Variants in AACS observed in about 807,000 individuals in gnomAD.
The protein encoded by AACS is acetoacetyl-CoA synthetase.
AACS carries 69 observed loss-of-function variants against 83.1 expected under a neutral mutation model. That is an observed-to-expected ratio of 0.83 (90% CI 0.68 to 1.01). AACS has a LOEUF of 1.01. AACS is among the 50% of genes least tolerant of loss of function. AACS has a pLI of 0.00. For synonymous variants in AACS, 333 were observed against 343.4 expected (o/e 0.97, Z 0.33); for missense variants, 866 against 882.2 (o/e 0.98, Z 0.23).
chr12:125,117,000 A>G (rs1177013290), intron 9 of AACS, among the ~76,000 whole-genome samples: 1 of 151,814 alleles, frequency 6.6e-6, no homozygotes, highest in African/African-American at 2.4e-5. Context: ...GCTAGAGTGC[A>G]GTGGTGATCA....
At chr12:125,093,951 C>T (rs1285182850) in intron 5 of AACS, among the ~76,000 whole-genome samples, 1 of 152,198 alleles carries the variant, frequency 6.6e-6, no homozygotes, top group East Asian at 1.9e-4. Flanking sequence ...GGAGGGCCTG[C>T]GTGGATGCCA....
intron 10 of AACS, among the ~76,000 whole-genome samples, chr12:125,119,215 CA>C (rs1166713005): frequency 1.2e-4 from 18 of 152,168 alleles, no homozygotes; most frequent in African/African-American, 4.3e-4. Flanking sequence ...GCAAGGAGAG[CA>C]CCTGAAATGG....
intron 17 of AACS, 119 bp from the exon 18 acceptor site, chr12:125,141,973 C>A: frequency 7.7e-7 from 1 of 1,296,312 alleles, no homozygotes; most frequent in Non-Finnish European, 1.1e-6. Context: ...AGAGCCGAGA[C>A]CCATTCACTC....
At chr12:125,072,516 C>T (rs1387434406) in intron 1 of AACS, among the ~76,000 whole-genome samples, 1 of 152,210 alleles carries the variant, frequency 6.6e-6, no homozygotes, top group Non-Finnish European at 1.5e-5. Context: ...TGGCCATCTT[C>T]CTGTTATGTT....
At chr12:125,066,187 G>A (rs115033187) in intron 1 of AACS, among the ~76,000 whole-genome samples, 1,767 of 152,232 alleles carry the variant, frequency 0.012, 29 homozygotes, top group African/African-American at 0.041. Context: ...AGCTGCCCCT[G>A]CTGGAGGCCA....
chr12:125,106,426 A>G (rs1489432230), intron 7 of AACS, among the ~76,000 whole-genome samples: 2 of 152,196 alleles, frequency 1.3e-5, no homozygotes, highest in African/African-American at 4.8e-5. Context: ...GGTGACAGTC[A>G]ATAGCTGGGA....
intron 1 of AACS, among the ~76,000 whole-genome samples, chr12:125,073,547 G>C (rs1282366754): frequency 6.6e-6 from 1 of 152,142 alleles, no homozygotes; most frequent in African/African-American, 2.4e-5. Context: ...TTTTGCACTT[G>C]CCTGAGGTCA....
chr12:125,105,851 G>A (rs1229398750), intron 7 of AACS: 1 of 152,232 alleles, frequency 6.6e-6, no homozygotes, highest in Non-Finnish European at 1.5e-5. Context: ...TTTTCTCTGT[G>A]TGAAGTATCT....
At chr12:125,082,807 C>T (rs377223060) in intron 3 of AACS, among the ~76,000 whole-genome samples, 8 of 151,778 alleles carry the variant, frequency 5.3e-5, no homozygotes, top group South Asian at 2.1e-4. Flanking sequence ...GGTGACAGAG[C>T]GAGACTCTGT....
chr12:125,134,777 C>T lies in AACS; in HGVS notation c.1620-17C>T. On this transcript the variant is annotated splice_polypyrimidine_tract_variant and intron_variant, in intron 15 of 17. Transcript: ENST00000316519. ...TCCAGAGCTGCGGTGTGGCCCTGAC[C>T]TCTTCTCTCTTTCCAGTGACGGCAC... The T allele has an allele frequency of 1.2e-6, 2 of 1,614,166 alleles. No individual in the cohort carries two copies. The highest frequency in any genetic ancestry group is 1.7e-6 in the Non-Finnish European group (2 of 1,180,028).
intron 2 of AACS, among the ~76,000 whole-genome samples, chr12:125,074,962 C>T (rs1955982458): frequency 6.6e-6 from 1 of 150,412 alleles, no homozygotes; most frequent in Non-Finnish European, 1.5e-5. Flanking sequence ...CCATGCCTGG[C>T]CACATTGTCA....
chr12:125,141,991 T>G, intron 17 of AACS, 101 bp from the exon 18 acceptor site: 1 of 1,489,562 alleles, frequency 6.7e-7, no homozygotes, highest in South Asian at 1.2e-5. Context: ...CTCTTGGCAC[T>G]CCAGGTGGAG....
intron 3 of AACS, among the ~76,000 whole-genome samples, chr12:125,081,392 C>T (rs769233568): frequency 6.6e-6 from 1 of 152,200 alleles, no homozygotes; most frequent in Admixed American, 6.5e-5. Context: ...AATCGCATCC[C>T]TTACTTAAGC....
chr12:125,082,706 A>G (rs1211390708), intron 3 of AACS, among the ~76,000 whole-genome samples: 1 of 152,074 alleles, frequency 6.6e-6, no homozygotes, highest in East Asian at 1.9e-4. Flanking sequence ...CTGTAGTACC[A>G]GCTACTCGGG....
At chr12:125,103,275 G>T (rs1393917251) in intron 7 of AACS, among the ~76,000 whole-genome samples, 194 bp downstream of exon 7, 3 of 152,210 alleles carry the variant, frequency 2.0e-5, no homozygotes, top group Non-Finnish European at 4.4e-5. Flanking sequence ...CATAGTGAAT[G>T]AGTGGCGGAA....
intron 5 of AACS, among the ~76,000 whole-genome samples, chr12:125,099,347 G>A (rs1329193049): frequency 6.6e-6 from 1 of 152,244 alleles, no homozygotes; most frequent in Non-Finnish European, 1.5e-5. Flanking sequence ...TGTCCCTGGA[G>A]GAGGTAGACC....
At chr12:125,136,623 G>T in intron 16 of AACS, 39 bp from the exon 17 acceptor site, 1 of 1,589,092 alleles carries the variant, frequency 6.3e-7, no homozygotes, top group Non-Finnish European at 8.6e-7. Flanking sequence ...ACACTGAGGG[G>T]CCCCCTGCGT....
At chr12:125,073,849 G>A in intron 1 of AACS, 27 bp from the exon 2 acceptor site, 1 of 1,582,962 alleles carries the variant, frequency 6.3e-7, no homozygotes, top group Non-Finnish European at 8.7e-7. Context: ...TCCCTTCTAA[G>A]GTTAATCTGA....
At chr12:125,139,948 T>A (rs1593016842) in intron 17 of AACS, 1 of 152,200 alleles carries the variant, frequency 6.6e-6, no homozygotes, top group Non-Finnish European at 1.5e-5. Context: ...GACAAACTTG[T>A]CTTCCTCACA....
Sources: allele counts gnomAD v4.1 joint callset (sites outside exome capture counted in the v4.1 genomes callset), GRCh38; gene constraint gnomAD v4.1.1; transcripts MANE v1.5; gene names NCBI Gene and HGNC (gene_info 2026-07-23, HGNC 2026-07-21).